Variants in RAB3GAP1 observed in about 807,000 individuals in gnomAD.
RAB3GAP1 encodes RAB3 GTPase activating protein catalytic subunit 1.
A neutral mutation model predicts 130.7 loss-of-function variants in RAB3GAP1; 86 were observed. That is an observed-to-expected ratio of 0.66 (90% CI 0.55 to 0.79). The LOEUF (loss-of-function observed/expected upper bound fraction) is 0.79. Among genes scored for constraint, RAB3GAP1 ranks in the 30% least tolerant of loss-of-function variants. The pLI is 0.00. For synonymous variants in RAB3GAP1, 367 were observed against 401.7 expected (o/e 0.91, Z 1.03); for missense variants, 1,029 against 1,169.4 (o/e 0.88, Z 1.75).
Position 135,135,893 on chromosome 2 carries a change from G to C in RAB3GAP1, c.1884G>C (p.Leu628=), listed in dbSNP as rs1158456455. The change falls in exon 17 of 24, where the codon CTG becomes CTC. Residue 628 remains leucine, a synonymous_variant. Transcript: ENST00000264158. ...TCTATCAGCATGGGAAACTTACACTGCTGCATAATGGAGAACCTCTCTACA... is the reference window on the plus strand; with the variant it reads ...TCTATCAGCATGGGAAACTTACACTCCTGCATAATGGAGAACCTCTCTACA... ...GRLYQHGKLT[L]LHNGEPLYIP... is the part of the protein sequence containing the mutation. The C allele has an allele frequency of 1.2e-6, 2 of 1,614,020 alleles. No individual in the cohort carries two copies. The highest frequency in any genetic ancestry group is 1.7e-6 in the Non-Finnish European group (2 of 1,179,958).
At chr2:135,106,231 C>G (rs1433596124) in intron 5 of RAB3GAP1, among the ~76,000 whole-genome samples, 2 of 152,194 alleles carry the variant, frequency 1.3e-5, no homozygotes, top group Non-Finnish European at 2.9e-5. Context: ...GCCCCTCTGC[C>G]TGGCCGCCAC....
At chr2:135,054,748 T>A (rs772146924) in intron 2 of RAB3GAP1, among the ~76,000 whole-genome samples, 7 of 152,214 alleles carry the variant, frequency 4.6e-5, no homozygotes, top group Admixed American at 4.6e-4. Context: ...GAATATTAAG[T>A]CCTTTAGCTT....
At chr2:135,161,916 ATCAG>A (rs1383155681) in intron 19 of RAB3GAP1, among the ~76,000 whole-genome samples, 1 of 152,170 alleles carries the variant, frequency 6.6e-6, no homozygotes, top group Non-Finnish European at 1.5e-5. Context: ...ATGAGCATTT[ATCAG>A]TCAGACTCAC....
intron 3 of RAB3GAP1, among the ~76,000 whole-genome samples, chr2:135,088,688 CAAAAAAAAAAAAAA>C (rs1162700077): frequency 1.8e-5 from 1 of 55,716 alleles, no homozygotes; most frequent in Admixed American, 1.9e-4. Flanking sequence ...GACTCCATCT[CAAAAAAAAAAAAAA>C]AAAAAAGAAA....
downstream of RAB3GAP1, chr2:135,170,791 A>C (rs1021213542): frequency 6.6e-5 from 10 of 152,220 alleles, no homozygotes; most frequent in African/African-American, 2.4e-4. Flanking sequence ...TTGAGACCAG[A>C]AGCTGAGTAG....
At chr2:135,147,412 C>T (rs1692031171) in intron 17 of RAB3GAP1, among the ~76,000 whole-genome samples, 1 of 151,820 alleles carries the variant, frequency 6.6e-6, no homozygotes, top group Non-Finnish European at 1.5e-5. Flanking sequence ...AACACTTCTG[C>T]AGTTTTAAAA....
In RAB3GAP1 at chr2:135,091,127, G is replaced by T; in HGVS notation, c.280G>T (p.Glu94Ter). 1 of 1,582,574 alleles carries T rather than the reference G, an allele frequency of 6.3e-7. No homozygotes were observed. The highest frequency in any genetic ancestry group is 8.7e-7 in the Non-Finnish European group (1 of 1,151,836). ...TDKEGKDELLEDVVPQSMQDL... is the reference protein window; with the variant it reads ...TDKEGKDELL ...TAAAGAAGGAAAGGATGAGTTATTAGAGGGTAAGTTATTTCTATATAATAA... is the reference window on the plus strand; with the variant it reads ...TAAAGAAGGAAAGGATGAGTTATTATAGGGTAAGTTATTTCTATATAATAA... Residue 94 changes from glutamate to a stop codon, truncating the protein, a stop_gained, in exon 4 of 24, where the codon GAG (glutamate) becomes TAG (stop). Transcript: ENST00000264158. LOFTEE classifies it high-confidence loss of function.
intron 23 of RAB3GAP1, among the ~76,000 whole-genome samples, chr2:135,168,275 T>A (rs934524629): frequency 1.3e-5 from 2 of 152,156 alleles, no homozygotes; most frequent in Non-Finnish European, 2.9e-5. Context: ...TCATCAGATG[T>A]GTAAATATGG....
intron 18 of RAB3GAP1, among the ~76,000 whole-genome samples, chr2:135,153,412 A>G (rs1025839181): frequency 2.6e-5 from 4 of 152,188 alleles, no homozygotes; most frequent in Non-Finnish European, 5.9e-5. Context: ...TCGAGTTTTT[A>G]TATCCAAATT....
At chr2:135,085,022 G>T (rs966452844) in intron 3 of RAB3GAP1, among the ~76,000 whole-genome samples, 8 of 152,140 alleles carry the variant, frequency 5.3e-5, no homozygotes, top group Non-Finnish European at 8.8e-5. Flanking sequence ...CTATGCACAG[G>T]TGTATAAAGA....
intron 5 of RAB3GAP1, among the ~76,000 whole-genome samples, chr2:135,095,619 T>C (rs1253141107): frequency 6.6e-6 from 1 of 152,266 alleles, no homozygotes; most frequent in East Asian, 1.9e-4. Flanking sequence ...ACCCCTCTTA[T>C]CTGTGGTTTT....
chr2:135,083,302 A>G lies in RAB3GAP1; in HGVS notation c.151-7696A>G, dbSNP rs368659174. On this transcript the variant is annotated intron_variant, in intron 3 of 23. Coordinates refer to ENST00000264158, the MANE Select transcript of RAB3GAP1 (RefSeq NM_012233.3). ...CATCGCATTAAGTTTTTGTGTGGAC[A>G]TGTTTTTATTTCTTTTAGCTGTATA... 1.8e-4 allele frequency among the ~76,000 whole-genome samples: 28 copies of G among 152,242 alleles called. No individual in the cohort carries two copies. In the East Asian group the frequency reaches 5.4e-3, roughly 29 times the overall value.
At chr2:135,107,425 A>T (rs1013033868) in intron 5 of RAB3GAP1, among the ~76,000 whole-genome samples, 3 of 151,550 alleles carry the variant, frequency 2.0e-5, no homozygotes, top group Non-Finnish European at 2.9e-5. Context: ...GCACAAAGGA[A>T]GGGGGAAGGA....
At position 135,164,679 on chromosome 2, in the gene RAB3GAP1, T is replaced by C; in HGVS notation, c.2692T>C (p.Phe898Leu). ...GHAGRIIHKL[F>L]VNAQRAAAMT... ...TGCTGGCAGGATCATTCACAAGCTG[T>C]TTGTGAATGCCCAGAGGGTATGTGA... Residue 898 changes from phenylalanine to leucine, a missense_variant, in exon 23 of 24, where the codon TTT becomes CTT. Physicochemically the swap from Phe to Leu is conservative, Grantham distance 22. Around this residue, in one of 3 missense-constraint regions of RAB3GAP1, gnomAD observed 146 missense variants for 143.7 expected, o/e 1.02. Transcript: ENST00000264158. 1 of 1,608,132 alleles carries C rather than the reference T, an allele frequency of 6.2e-7. No individual in the cohort carries two copies. Among genetic ancestry groups the C allele is most frequent in the Non-Finnish European group, 8.5e-7 (1 of 1,175,028 alleles).
chr2:135,098,163 A>G (rs972533230), intron 5 of RAB3GAP1, among the ~76,000 whole-genome samples: 7 of 151,876 alleles, frequency 4.6e-5, no homozygotes, highest in African/African-American at 1.7e-4. Flanking sequence ...ACAGTGTCCA[A>G]GTCTTTTGCA....
rs137901761 is a variant in RAB3GAP1, at chr2:135,070,741, G to A, written c.150+12655G>A. Among the ~76,000 whole-genome samples the A allele has an allele frequency of 6.6e-5, 10 of 152,084 alleles. No individual in the cohort carries two copies. In the East Asian group the frequency reaches 1.7e-3, roughly 27 times the overall value. On this transcript the variant is annotated intron_variant, in intron 3 of 23. Transcript: ENST00000264158. ...AGGCTGGTCTCGAACTCATGACCTC[G>A]TGATCCGCCCAAAGTGCTAGGATTA...
rs1690209891 is a variant in RAB3GAP1 at position 135,093,638 on chromosome 2, G to A, written c.307G>A (p.Asp103Asn). 1 of 1,613,558 alleles carries A rather than the reference G, an allele frequency of 6.2e-7. No individual in the cohort carries two copies. The highest frequency in any genetic ancestry group is 1.3e-5 in the African/African-American group (1 of 74,924). Residue 103 changes from aspartate to asparagine, a missense_variant, in exon 5 of 24, where the codon GAT (aspartate) becomes AAT (asparagine). Transcript: ENST00000264158. ...LEDVVPQSMQ[D>N]LLGMNNDFPP... The stretch of plus-strand genomic sequence containing the variant: ...AGATGTTGTTCCACAATCTATGCAA[G>A]ATTTGCTGGGTATGAATAATGACTT...
In RAB3GAP1 at chr2:135,135,261, A is replaced by G. The variant is rs760669789; in HGVS notation, c.1500-4A>G. 1 of 1,607,368 alleles carries G rather than the reference A, an allele frequency of 6.2e-7. No individual in the cohort carries two copies. The highest frequency in any genetic ancestry group is 1.3e-5 in the African/African-American group (1 of 74,732). ...CTTTCTTTTCTCCTTACTTTATTTG[A>G]TAGATTAGCAAGTGGACCCCCAGAT... is the stretch of plus-strand genomic sequence containing the variant. On this transcript the variant is annotated splice_region_variant and splice_polypyrimidine_tract_variant and intron_variant, in intron 15 of 23. Coordinates refer to ENST00000264158, the MANE Select transcript of RAB3GAP1 (RefSeq NM_012233.3).
rs549304720 is a variant in RAB3GAP1 at position 135,066,675 on chromosome 2, G to T, written c.150+8589G>T. On this transcript the variant is annotated intron_variant, in intron 3 of 23. Coordinates refer to ENST00000264158, the MANE Select transcript of RAB3GAP1 (RefSeq NM_012233.3). ...TTTCTAAGGCAGATTTTGGGATTCT[G>T]TTGTCTGGGGCTTTATAAAATAGAT... is the stretch of plus-strand genomic sequence containing the variant. Among the ~76,000 whole-genome samples the T allele has an allele frequency of 7.2e-5, 11 of 152,238 alleles. No individual in the cohort carries two copies. In the East Asian group the frequency reaches 2.1e-3, roughly 29 times the overall value.
Sources: allele counts gnomAD v4.1 joint callset (sites outside exome capture counted in the v4.1 genomes callset), GRCh38; gene constraint gnomAD v4.1.1; regional missense constraint gnomAD v4.1.1; transcripts MANE v1.5; gene names NCBI Gene and HGNC (gene_info 2026-07-23, HGNC 2026-07-21).